The following CAST variants were observed in gnomAD, a reference collection of about 807,000 sequenced individuals.
The protein encoded by CAST is MIR583 host.
In CAST, 76 loss-of-function variants were observed where a neutral mutation model predicts 119.6. The observed-to-expected ratio is 0.64, with a 90% CI of 0.53 to 0.77. CAST has a LOEUF of 0.77. Among genes scored for constraint, CAST ranks in the 30% least tolerant of loss-of-function variants. CAST has a pLI of 0.00. For synonymous variants in CAST, 319 were observed against 331.6 expected (o/e 0.96, Z 0.41); for missense variants, 953 against 946.5 (o/e 1.01, Z -0.09).
At chr5:96,684,005 C>A (rs1751753990) in intron 2 of CAST, among the ~76,000 whole-genome samples, 1 of 152,172 alleles carries the variant, frequency 6.6e-6, no homozygotes, top group African/African-American at 2.4e-5. Flanking sequence ...ACTCAGTTAA[C>A]CTGCTATTGA....
chr5:96,007,074 T>G, the CAST span, among the ~76,000 whole-genome samples: 2 of 152,224 alleles, frequency 1.3e-5, no homozygotes, highest in Non-Finnish European at 1.5e-5. Flanking sequence ...TATCAGATAT[T>G]CGTGTGGATT....
chr5:96,070,084 C>T, the CAST span, among the ~76,000 whole-genome samples: 1 of 152,120 alleles, frequency 6.6e-6, no homozygotes, highest in East Asian at 1.9e-4. Flanking sequence ...AGCCTTTATT[C>T]TCAGCCTTTA....
the CAST span, among the ~76,000 whole-genome samples, chr5:96,090,524 G>A: frequency 6.6e-6 from 1 of 152,076 alleles, no homozygotes; most frequent in South Asian, 2.1e-4. Flanking sequence ...CAGCTGTTTA[G>A]TTCAGGGGGA....
the CAST span, among the ~76,000 whole-genome samples, chr5:96,248,185 C>G: frequency 6.6e-6 from 1 of 152,230 alleles, no homozygotes; most frequent in African/African-American, 2.4e-5. Flanking sequence ...TGTTCTTTCT[C>G]TCTCTCTCCC....
At chr5:96,757,523 T>C (rs773019409) in intron 23 of CAST, 29 bp downstream of exon 23, 1 of 1,613,126 alleles carries the variant, frequency 6.2e-7, no homozygotes, top group Admixed American at 1.7e-5. Flanking sequence ...TCTGAGGATA[T>C]CTTTTCCTTT....
chr5:96,402,143 T>C, the CAST span, among the ~76,000 whole-genome samples: 1 of 152,062 alleles, frequency 6.6e-6, no homozygotes, highest in Non-Finnish European at 1.5e-5. Flanking sequence ...GGCTCAGTAA[T>C]CCCCTGTGAC....
chr5:96,257,760 T>A, the CAST span, among the ~76,000 whole-genome samples: 672 of 152,330 alleles, frequency 4.4e-3, 5 homozygotes, highest in African/African-American at 0.015. Context: ...CTTTGGTCAG[T>A]TCTTTGTTCA....
the CAST span, among the ~76,000 whole-genome samples, chr5:96,424,853 C>A: frequency 6.6e-6 from 1 of 151,752 alleles, no homozygotes; most frequent in South Asian, 2.1e-4. Context: ...ATCCAAGCTA[C>A]TCCAGAGGCT....
the CAST span, among the ~76,000 whole-genome samples, chr5:96,231,392 T>A: frequency 6.6e-6 from 1 of 152,088 alleles, no homozygotes; most frequent in Admixed American, 6.6e-5. Flanking sequence ...TACCACATAT[T>A]GTATGATTTC....
chr5:96,035,742 C>T, the CAST span, among the ~76,000 whole-genome samples: 4 of 122,354 alleles, frequency 3.3e-5, no homozygotes, highest in Non-Finnish European at 5.6e-5. Flanking sequence ...TTTCCAGGTC[C>T]GTGTGTGTCT....
intron 1 of CAST, among the ~76,000 whole-genome samples, chr5:96,531,784 A>G (rs1045309915): frequency 7.9e-5 from 12 of 152,210 alleles, no homozygotes; most frequent in Non-Finnish European, 1.2e-4. Context: ...TTAAGAAAAT[A>G]TTGCCTCATA....
chr5:96,554,142 T>C (rs1410068555), intron 1 of CAST, among the ~76,000 whole-genome samples: 1 of 152,186 alleles, frequency 6.6e-6, no homozygotes, highest in Admixed American at 6.5e-5. Context: ...TCATGCTACC[T>C]GACTTCAAAC....
the CAST span, among the ~76,000 whole-genome samples, chr5:96,436,716 A>C: frequency 6.6e-6 from 1 of 152,222 alleles, no homozygotes; most frequent in Non-Finnish European, 1.5e-5. Flanking sequence ...TGTAAATTGG[A>C]AAATACACAC....
chr5:96,302,822 A>C, the CAST span, among the ~76,000 whole-genome samples: 1 of 152,210 alleles, frequency 6.6e-6, no homozygotes, highest in Non-Finnish European at 1.5e-5. Context: ...TTTTTGTCAC[A>C]ACAAGTTAAC....
At chr5:96,143,347 C>T in the CAST span, among the ~76,000 whole-genome samples, 2 of 152,146 alleles carry the variant, frequency 1.3e-5, no homozygotes, top group South Asian at 4.1e-4. Flanking sequence ...GATAGTGTGC[C>T]ACCTGTATGC....
the CAST span, among the ~76,000 whole-genome samples, chr5:96,250,857 A>C: frequency 6.6e-6 from 1 of 152,208 alleles, no homozygotes; most frequent in Admixed American, 6.5e-5. Context: ...AAAGATGCTG[A>C]TTAATTAAAA....
At chr5:96,050,694 C>T in the CAST span, among the ~76,000 whole-genome samples, 1 of 152,154 alleles carries the variant, frequency 6.6e-6, no homozygotes, top group Non-Finnish European at 1.5e-5. Flanking sequence ...GAGTTGAATG[C>T]TCCAATCCCT....
At chr5:96,567,454 A>G (rs1041176836) in intron 1 of CAST, among the ~76,000 whole-genome samples, 2 of 152,058 alleles carry the variant, frequency 1.3e-5, no homozygotes, top group Non-Finnish European at 2.9e-5. Flanking sequence ...TCTCAGCTCC[A>G]TTGCATTCCA....
In CAST at chr5:96,534,694, G is replaced by GGAAGGAAGGAAGGAAGGAAT. The variant is rs1745750777; in HGVS notation, c.60+4833_60+4834insTGAAGGAAGGAAGGAAGGAA. 3.1e-5 allele frequency among the ~76,000 whole-genome samples: 2 copies of GGAAGGAAGGAAGGAAGGAAT among 64,342 alleles called. 1 individual carries two copies. Among genetic ancestry groups the GGAAGGAAGGAAGGAAGGAAT allele is most frequent in the Non-Finnish European group, 6.2e-5 (2 of 32,470 alleles). The allele number at this position is 64,342 out of a possible 152,430, so 42.2% of individuals were successfully genotyped here. ...AGAAAGAAAGAGAGAGAGAGAGGAAGGAAGGAAGGAAGGAAGGAAGGAGAG... is the reference window on the plus strand; with the variant it reads ...AGAAAGAAAGAGAGAGAGAGAGGAAGGAAGGAAGGAAGGAAGGAATGAAGGAAGGAAGGAAGGAAGGAGAG... On this transcript the variant is annotated intron_variant, in intron 1 of 11. Transcript: ENST00000505143.
Sources: gnomAD v4.1 joint callset for allele counts (sites outside exome capture counted in the v4.1 genomes callset) on GRCh38, gnomAD v4.1.1 for gene constraint, MANE v1.5 for transcripts, NCBI Gene and HGNC (gene_info 2026-07-23, HGNC 2026-07-21) for gene names.